The following SUCLG1 variants were observed in gnomAD, a reference collection of about 807,000 sequenced individuals.
SUCLG1 encodes succinate--CoA ligase [ADP/GDP-forming] subunit alpha, mitochondrial.
Under a neutral mutation model 37.3 loss-of-function variants are expected in SUCLG1, and 26 were observed. The observed-to-expected ratio is 0.70, with a 90% CI of 0.51 to 0.97. The LOEUF is 0.97. SUCLG1 is among the 50% of genes least tolerant of loss of function. SUCLG1 has a pLI of 0.00. For synonymous variants in SUCLG1, 163 were observed against 155.6 expected, an observed-to-expected ratio of 1.05 and a Z score of -0.36; for missense variants, 433 against 432.9, an observed-to-expected ratio of 1.00 and a Z score of 0.00.
intron 8 of SUCLG1, 138 bp from the exon 9 acceptor site, chr2:84,423,910 T>C: frequency 1.1e-6 from 1 of 918,872 alleles, no homozygotes; most frequent in Non-Finnish European, 1.7e-6. Flanking sequence ...AAGAAAAATG[T>C]ACCAGGATGA....
At chr2:84,425,664 A>G in intron 7 of SUCLG1, 61 bp from the exon 8 acceptor site, 1 of 1,574,068 alleles carries the variant, frequency 6.4e-7, no homozygotes, top group Admixed American at 1.7e-5. Context: ...CGGGACCTCA[A>G]ATTCATGACT....
intron 1 of SUCLG1, among the ~76,000 whole-genome samples, chr2:84,451,125 G>A (rs1230885206): frequency 6.6e-6 from 1 of 152,098 alleles, no homozygotes; most frequent in African/African-American, 2.4e-5. Context: ...CTGCATTCGA[G>A]ACCCATTCTT....
intron 1 of SUCLG1, among the ~76,000 whole-genome samples, chr2:84,458,729 G>T (rs1317014508): frequency 6.6e-6 from 1 of 152,074 alleles, no homozygotes; most frequent in African/African-American, 2.4e-5. Flanking sequence ...CCGTACTAGG[G>T]ACAGCCTCAT....
intron 7 of SUCLG1, 30 bp from the exon 8 acceptor site, chr2:84,425,633 T>C (rs1440629733): frequency 9.3e-6 from 15 of 1,612,580 alleles, no homozygotes; most frequent in East Asian, 2.2e-5. Context: ...TTAAATGCTC[T>C]AATGAAGAAG....
chr2:84,453,423 TA>T (rs199799356), intron 1 of SUCLG1, among the ~76,000 whole-genome samples: 10 of 151,180 alleles, frequency 6.6e-5, no homozygotes, highest in African/African-American at 2.2e-4. Context: ...GTATTATTAT[TA>T]TTTTTTTTGA....
At chr2:84,441,174 C>T in intron 4 of SUCLG1, 70 bp from the exon 5 acceptor site, 1 of 1,611,676 alleles carries the variant, frequency 6.2e-7, no homozygotes. Flanking sequence ...CACAAATACA[C>T]TCGCATTCAC....
chr2:84,424,827 G>A (rs1453985611), intron 8 of SUCLG1, among the ~76,000 whole-genome samples: 1 of 152,006 alleles, frequency 6.6e-6, no homozygotes, highest in Non-Finnish European at 1.5e-5. Context: ...AACCCATAAT[G>A]TCCTATTAAA....
Position 84,437,956 on chromosome 2 carries a change from T to A in SUCLG1, c.589+3091A>T, listed in dbSNP as rs531954866. Among the ~76,000 whole-genome samples, 7 of 152,302 alleles carry A rather than the reference T, an allele frequency of 4.6e-5. No homozygotes were observed. In the South Asian group the frequency reaches 1.4e-3, roughly 32 times the overall value. On this transcript the variant is annotated intron_variant, in intron 5 of 8. Coordinates refer to ENST00000393868, the MANE Select transcript of SUCLG1 (RefSeq NM_003849.4). ...ACTTATTCTGACTATAAATAGGCAA[T>A]CCCAGAAGGCTACATTCTGTATGAT... is the stretch of plus-strand genomic sequence containing the variant.
At chr2:84,448,824 C>T (rs753202759) in intron 2 of SUCLG1, 4 of 203,168 alleles carry the variant, frequency 2.0e-5, no homozygotes, top group Non-Finnish European at 4.3e-5. Flanking sequence ...TGCTGGATAA[C>T]GTTATATAAA....
chr2:84,424,662 T>C (rs531393700), intron 8 of SUCLG1, among the ~76,000 whole-genome samples: 2 of 152,194 alleles, frequency 1.3e-5, no homozygotes, highest in Middle Eastern at 3.4e-3. Context: ...TAAGAGGAGA[T>C]TTTTTGTTGT....
chr2:84,457,148 CT>C (rs1395656075), intron 1 of SUCLG1, among the ~76,000 whole-genome samples: 1 of 152,094 alleles, frequency 6.6e-6, no homozygotes, highest in African/African-American at 2.4e-5. Context: ...GCTCTATTAG[CT>C]TCACAGACTA....
In SUCLG1 at chr2:84,425,761, A is replaced by C. The variant is rs1672528536; in HGVS notation, c.826-158T>G. On this transcript the variant is annotated intron_variant, in intron 7 of 8. Coordinates refer to ENST00000393868, the MANE Select transcript of SUCLG1 (RefSeq NM_003849.4). ...AACACAAATATTAAACCATGATTGA[A>C]ACCACTGCATTCTCCTTTGAGTTAA... 13 of 761,978 alleles carry C rather than the reference A, an allele frequency of 1.7e-5. No individual in the cohort carries two copies. In the Admixed American group the frequency reaches 1.7e-4, roughly 10 times the overall value. 47.2% of individuals were successfully genotyped at this position (761,978 alleles called of 1,614,324 possible).
chr2:84,459,258 G>C lies in SUCLG1; in HGVS notation c.12C>G (p.Thr4=). Residue 4 remains threonine (T), a synonymous_variant, in exon 1 of 9, where the codon ACC becomes ACG. Transcript: ENST00000393868. The part of the protein sequence containing the change: MTA[T]LAAAADIATM... ...TAGCGATGTCAGCGGCAGCGGCAAG[G>C]GTTGCGGTCATACGCCAATGACACT... 7 of 1,550,658 alleles carry C rather than the reference G, an allele frequency of 4.5e-6. No homozygotes were observed. Among genetic ancestry groups the C allele is most frequent in the Non-Finnish European group, 6.1e-6 (7 of 1,146,788 alleles).
At chr2:84,458,759 A>T (rs546206193) in intron 1 of SUCLG1, among the ~76,000 whole-genome samples, 75 of 151,968 alleles carry the variant, frequency 4.9e-4, no homozygotes, top group Non-Finnish European at 8.4e-4. Context: ...TCCTACTGAG[A>T]CACTCTTCCT....
intron 2 of SUCLG1, among the ~76,000 whole-genome samples, chr2:84,447,312 A>AAC (rs1349101677): frequency 6.8e-5 from 8 of 118,302 alleles, no homozygotes; most frequent in Non-Finnish European, 1.3e-4. Context: ...AAAACAACAA[A>AAC]AAAAAGGAGA....
intron 5 of SUCLG1, among the ~76,000 whole-genome samples, chr2:84,435,816 CCT>C (rs1356892795): frequency 2.6e-5 from 4 of 152,302 alleles, no homozygotes; most frequent in Admixed American, 2.0e-4. Flanking sequence ...GCTAGCTCAT[CCT>C]CTCTTTCCAG....
Position 84,425,391 on chromosome 2 carries a change from A to T in SUCLG1, c.1014+24T>A, listed in dbSNP as rs201008219. 9.9e-6 allele frequency: 16 copies of T among 1,613,922 alleles called. No homozygotes were observed. The African/African-American group carries it at 1.7e-4, about 17-fold the overall frequency. ...CAGAGAAAGCCTGCAACCTCAGAGC[A>T]CCTGGGCCACTGTTGGAGCTCACCT... On this transcript the variant is annotated intron_variant, in intron 8 of 8. Coordinates refer to ENST00000393868, the MANE Select transcript of SUCLG1 (RefSeq NM_003849.4).
intron 7 of SUCLG1, among the ~76,000 whole-genome samples, chr2:84,431,218 T>G (rs1316946765): frequency 6.6e-6 from 1 of 152,082 alleles, no homozygotes; most frequent in Non-Finnish European, 1.5e-5. Flanking sequence ...GCAGGTCAAG[T>G]GCGGGCTCTC....
intron 6 of SUCLG1, chr2:84,432,901 T>C (rs1483749375): frequency 5.8e-6 from 1 of 173,688 alleles, no homozygotes; most frequent in African/African-American, 2.4e-5. Context: ...TTCCTCAACC[T>C]TGACTTTCTC....
Sources: allele counts gnomAD v4.1 joint callset (sites outside exome capture counted in the v4.1 genomes callset), GRCh38; gene constraint gnomAD v4.1.1; transcripts MANE v1.5; gene names NCBI Gene and HGNC (gene_info 2026-07-23, HGNC 2026-07-21).